The following NRG3 variants were observed in gnomAD, a reference collection of about 807,000 sequenced individuals.
NRG3 encodes neuregulin 3.
In NRG3, 31 loss-of-function variants were observed where a neutral mutation model predicts 66.9. The ratio of observed to expected loss-of-function variants is 0.46; its 90% CI spans 0.35 to 0.63. The LOEUF is 0.63. Ranked by LOEUF, NRG3 falls within the 20% of genes least tolerant of loss-of-function variation. The pLI, the probability that NRG3 is intolerant of heterozygous loss-of-function variation, is 0.00. For missense variants in NRG3, 910 were observed against 878.9 expected (o/e 1.04, Z -0.45); for synonymous variants, 393 against 359.4 (o/e 1.09, Z -1.06).
intron 2 of NRG3, among the ~76,000 whole-genome samples, chr10:82,408,135 GAA>G (rs1276173297): frequency 2.8e-5 from 4 of 143,206 alleles, no homozygotes; most frequent in Non-Finnish European, 6.2e-5. Flanking sequence ...AAGAAAGAAA[GAA>G]AGAAAGAAAA....
intron 2 of NRG3, among the ~76,000 whole-genome samples, chr10:82,622,904 C>G (rs1423577962): frequency 2.0e-5 from 3 of 152,010 alleles, no homozygotes; most frequent in Non-Finnish European, 4.4e-5. Flanking sequence ...CTAGCCTAAA[C>G]TGTGATGAGC....
At chr10:82,048,752 A>G (rs2063440126) in intron 1 of NRG3, among the ~76,000 whole-genome samples, 1 of 151,826 alleles carries the variant, frequency 6.6e-6, no homozygotes, top group South Asian at 2.1e-4. Flanking sequence ...CTAAAATCAG[A>G]GCAGAACTGA....
chr10:82,775,194 A>G (rs1261961198), intron 3 of NRG3, among the ~76,000 whole-genome samples: 1 of 149,072 alleles, frequency 6.7e-6, no homozygotes, highest in African/African-American at 2.5e-5. Flanking sequence ...GAGGCATAAT[A>G]TAGGGCTATA....
intron 2 of NRG3, among the ~76,000 whole-genome samples, chr10:82,424,719 C>T (rs372518538): frequency 6.6e-6 from 1 of 151,938 alleles, no homozygotes; most frequent in Non-Finnish European, 1.5e-5. Context: ...TCACCTAACT[C>T]GAGGACACAA....
chr10:82,370,127 A>G lies in NRG3; in HGVS notation c.953+11259A>G, dbSNP rs755230168. Among the ~76,000 whole-genome samples, 4 of 139,040 alleles carry G rather than the reference A, an allele frequency of 2.9e-5. 1 individual carries two copies. The highest frequency in any genetic ancestry group is 1.4e-4 in the Admixed American group (2 of 14,774). The allele number at this position is 139,040 out of a possible 152,430, so 91.2% of individuals were successfully genotyped here. ...ATCAGCTCAGTGGACCCTCTGCTTT[A>G]TCGCAAGGGCAGGGGGCCAGTGTGA... is the stretch of plus-strand genomic sequence containing the variant. On this transcript the variant is annotated intron_variant, in intron 2 of 8. Coordinates refer to ENST00000372141, the MANE Select transcript of NRG3 (RefSeq NM_001010848.4).
At chr10:82,902,973 GA>G (rs1844375342) in intron 4 of NRG3, among the ~76,000 whole-genome samples, 2 of 151,918 alleles carry the variant, frequency 1.3e-5, no homozygotes, top group South Asian at 4.1e-4. Context: ...AAAAATTAAG[GA>G]AAAGTTAGGC....
At position 82,150,528 on chromosome 10, in the gene NRG3, C is replaced by A. The variant is rs201437203; in HGVS notation, c.824-208211C>A. ...TGATTAACAAAGCAAAAAGAGCACA[C>A]ACAAAAAAAAAAAAAAAAAAAAAAA... On this transcript the variant is annotated intron_variant, in intron 1 of 8. Coordinates refer to ENST00000372141, the MANE Select transcript of NRG3 (RefSeq NM_001010848.4). Among the ~76,000 whole-genome samples the A allele has an allele frequency of 2.8e-3, 144 of 51,644 alleles. 7 individuals carry two copies. Among genetic ancestry groups the A allele is most frequent in the African/African-American group, 7.3e-3 (84 of 11,562 alleles). The allele number at this position is 51,644 out of a possible 152,430, so 33.9% of individuals were successfully genotyped here.
intron 1 of NRG3, among the ~76,000 whole-genome samples, chr10:82,154,092 C>A (rs1261401802): frequency 1.3e-5 from 2 of 151,918 alleles, no homozygotes; most frequent in Non-Finnish European, 1.5e-5. Context: ...TCCCATTTGT[C>A]TGTTTTTGCT....
chr10:82,354,228 T>C (rs1222900308), intron 1 of NRG3, among the ~76,000 whole-genome samples: 1 of 151,300 alleles, frequency 6.6e-6, no homozygotes, highest in Non-Finnish European at 1.5e-5. Context: ...TTTGTATAGA[T>C]GGGGGTCTCC....
chr10:82,405,371 A>G (rs1355840873), intron 2 of NRG3, among the ~76,000 whole-genome samples: 7 of 151,820 alleles, frequency 4.6e-5, no homozygotes, highest in Non-Finnish European at 8.8e-5. Context: ...AGTGAAGGGT[A>G]GAGTAGGAAG....
intron 4 of NRG3, among the ~76,000 whole-genome samples, chr10:82,912,737 C>T (rs969059889): frequency 6.6e-6 from 1 of 151,772 alleles, no homozygotes; most frequent in African/African-American, 2.4e-5. Flanking sequence ...TTTTTCTTTG[C>T]CTTCCATTTT....
chr10:82,967,968 G>A (rs1022542689), intron 6 of NRG3, among the ~76,000 whole-genome samples: 1 of 152,136 alleles, frequency 6.6e-6, no homozygotes, highest in African/African-American at 2.4e-5. Flanking sequence ...ACCAATTTAT[G>A]GTTCCAGCAG....
In NRG3 at chr10:82,986,847, T is replaced by C. The variant is rs1298601516; in HGVS notation, c.*1242T>C. On this transcript the variant is annotated 3_prime_UTR_variant, in exon 9 of 9. Transcript: ENST00000372141. ...TCATTACCATTTATTTTATAGCAAG[T>C]CTGCTATGTGTGGACCAAGGCTTCG... The C allele has an allele frequency of 2.0e-5, 3 of 152,246 alleles. No homozygotes were observed. The highest frequency in any genetic ancestry group is 7.2e-5 in the African/African-American group (3 of 41,454). 9.4% of individuals were successfully genotyped at this position (152,246 alleles called of 1,614,324 possible). A position where few individuals can be genotyped will look rare whatever the true frequency, so the allele number is the denominator to read the frequency against.
chr10:82,134,428 T>G (rs2069167897), intron 1 of NRG3, among the ~76,000 whole-genome samples: 1 of 152,160 alleles, frequency 6.6e-6, no homozygotes, highest in Non-Finnish European at 1.5e-5. Flanking sequence ...CTTGAATTGA[T>G]TTTGGTATAT....
At chr10:82,457,077 T>TAA (rs1480839503) in intron 2 of NRG3, among the ~76,000 whole-genome samples, 1 of 152,172 alleles carries the variant, frequency 6.6e-6, no homozygotes, top group South Asian at 2.1e-4. Flanking sequence ...TAATCATTCC[T>TAA]AATAATAAAA....
At chr10:81,970,487 T>C (rs2059895075) in intron 1 of NRG3, among the ~76,000 whole-genome samples, 2 of 152,238 alleles carry the variant, frequency 1.3e-5, no homozygotes, top group African/African-American at 2.4e-5. Context: ...AAAAAGGTAG[T>C]TTGCAGTGTA....
intron 2 of NRG3, among the ~76,000 whole-genome samples, chr10:82,408,148 G>GAAAGAAAGAAAGAAAGAA (rs1341689768): frequency 4.5e-5 from 6 of 134,294 alleles, no homozygotes; most frequent in Non-Finnish European, 8.1e-5. Context: ...AGAAAGAAAA[G>GAAAGAAAGAAAGAAAGAA]AAAAAGAAAA....
rs2061357334 is a variant in NRG3, at chr10:82,808,075, G to T, written c.1028-57336G>T. ...ATGTATCTGGTGTTACCCTTTCTGT[G>T]TTGTGAATGAGGAACATTTATGGTT... On this transcript the variant is annotated intron_variant, in intron 3 of 8. Coordinates refer to ENST00000372141, the MANE Select transcript of NRG3 (RefSeq NM_001010848.4). Among the ~76,000 whole-genome samples, 4 of 151,768 alleles carry T rather than the reference G, an allele frequency of 2.6e-5. No individual in the cohort carries two copies. In the South Asian group the frequency reaches 8.3e-4, roughly 31 times the overall value.
intron 1 of NRG3, among the ~76,000 whole-genome samples, chr10:82,321,538 A>G (rs1449305794): frequency 6.6e-6 from 1 of 152,150 alleles, no homozygotes; most frequent in Non-Finnish European, 1.5e-5. Flanking sequence ...TGCATTTTGA[A>G]TCTCTGCTTT....
Sources: allele counts gnomAD v4.1 joint callset (sites outside exome capture counted in the v4.1 genomes callset), GRCh38; gene constraint gnomAD v4.1.1; transcripts MANE v1.5; gene names NCBI Gene and HGNC (gene_info 2026-07-23, HGNC 2026-07-21).